Variants in ARHGAP6 observed in about 807,000 individuals in gnomAD.
ARHGAP6 encodes rho GTPase-activating protein 6.
A neutral mutation model predicts 55.7 loss-of-function variants in ARHGAP6; 16 were observed. That is an observed-to-expected ratio of 0.29 (90% CI 0.19 to 0.44). The LOEUF (loss-of-function observed/expected upper bound fraction) is 0.44, where lower values mean the gene tolerates loss of function less well. ARHGAP6 is among the 20% of genes least tolerant of loss of function. The pLI, the probability that ARHGAP6 is intolerant of heterozygous loss-of-function variation, is 1.00. For missense variants in ARHGAP6, 698 were observed against 808.9 expected, an observed-to-expected ratio of 0.86 and a Z score of 1.66; for synonymous variants, 382 against 360.9, an observed-to-expected ratio of 1.06 and a Z score of -0.66.
chrX:11,558,454 T>C (rs1454516204), intron 1 of ARHGAP6, among the ~76,000 whole-genome samples: 1 of 111,797 alleles, frequency 8.9e-6, no homozygotes, highest in Non-Finnish European at 1.9e-5. Flanking sequence ...TCTTCTCTCT[T>C]GGTTTTAACT....
intron 1 of ARHGAP6, among the ~76,000 whole-genome samples, chrX:11,263,629 A>G (rs1314971326): frequency 2.7e-5 from 3 of 111,044 alleles, no homozygotes; most frequent in Non-Finnish European, 5.7e-5. Context: ...TGATTTTTGC[A>G]CCAACCCTTA....
At chrX:11,419,958 A>AT (rs974476168) in intron 1 of ARHGAP6, among the ~76,000 whole-genome samples, 4 of 111,422 alleles carry the variant, frequency 3.6e-5, no homozygotes, top group African/African-American at 9.8e-5. Context: ...TTACTATAAG[A>AT]TTTTTTTTTA....
rs760524101 is a variant in ARHGAP6, at chrX:11,583,253, T to C, written c.588+80988A>G. Among the ~76,000 whole-genome samples the C allele has an allele frequency of 3.6e-5, 4 of 112,330 alleles. No individual in the cohort carries two copies. The East Asian group carries it at 8.3e-4, about 23-fold the overall frequency. On this transcript the variant is annotated intron_variant, in intron 1 of 12. Transcript: ENST00000337414. ...CTAGAAATTACTGGGCAAACATTAATACAGCACATTGAAATCAAGTACATC... is the reference window on the plus strand; with the variant it reads ...CTAGAAATTACTGGGCAAACATTAACACAGCACATTGAAATCAAGTACATC...
At chrX:11,235,781 C>T (rs144976899) in intron 2 of ARHGAP6, among the ~76,000 whole-genome samples, 4 of 111,534 alleles carry the variant, frequency 3.6e-5, no homozygotes, top group African/African-American at 9.8e-5. Flanking sequence ...CAACAAATTC[C>T]TCATCTCCAT....
At chrX:11,553,495 G>A (rs773308145) in intron 1 of ARHGAP6, among the ~76,000 whole-genome samples, 5 of 111,414 alleles carry the variant, frequency 4.5e-5, no homozygotes, top group East Asian at 2.8e-4. Flanking sequence ...TGCCTGCCTC[G>A]GCCTCCCAAA....
chrX:11,320,766 TACACACACACACACACACACACACAC>T (rs56815077), intron 1 of ARHGAP6, among the ~76,000 whole-genome samples: 2 of 85,668 alleles, frequency 2.3e-5, no homozygotes, highest in African/African-American at 8.4e-5. Context: ...AATATCTCTT[TACACACACACACACACACACACACAC>T]ACACACACAC....
intron 1 of ARHGAP6, among the ~76,000 whole-genome samples, chrX:11,519,262 G>T (rs1214712636): frequency 1.9e-5 from 2 of 107,574 alleles, no homozygotes; most frequent in Non-Finnish European, 3.8e-5. Context: ...CAGTGTAAAA[G>T]TGTTCCTATT....
intron 2 of ARHGAP6, among the ~76,000 whole-genome samples, chrX:11,211,769 C>A (rs1053611593): frequency 2.7e-5 from 3 of 110,958 alleles, no homozygotes; most frequent in African/African-American, 9.9e-5. Context: ...ATCTCGAACT[C>A]CTGACCCGTG....
intron 1 of ARHGAP6, among the ~76,000 whole-genome samples, chrX:11,435,313 TC>T (rs1483294442): frequency 8.9e-6 from 1 of 112,632 alleles, no homozygotes; most frequent in Non-Finnish European, 1.9e-5. Context: ...TTTCATTATT[TC>T]AACTTTAGTT....
intron 1 of ARHGAP6, among the ~76,000 whole-genome samples, chrX:11,345,280 C>A (rs2048765660): frequency 9.0e-6 from 1 of 111,729 alleles, no homozygotes; most frequent in African/African-American, 3.3e-5. Context: ...TCTCAATAAC[C>A]AATTTTAATA....
chrX:11,499,401 T>C (rs889550169), intron 1 of ARHGAP6, among the ~76,000 whole-genome samples: 3 of 109,590 alleles, frequency 2.7e-5, no homozygotes, highest in African/African-American at 6.8e-5. Context: ...CAGTTTTTTT[T>C]CCCCTTCTAA....
chrX:11,334,060 A>G (rs1343946071), intron 1 of ARHGAP6, among the ~76,000 whole-genome samples: 1 of 110,081 alleles, frequency 9.1e-6, no homozygotes, highest in Non-Finnish European at 1.9e-5. Context: ...ATGTCGCTAC[A>G]TGTTCTTTTC....
intron 2 of ARHGAP6, among the ~76,000 whole-genome samples, chrX:11,229,631 G>C (rs777859291): frequency 9.0e-6 from 1 of 111,642 alleles, no homozygotes; most frequent in East Asian, 2.8e-4. Context: ...CATACAAAAT[G>C]TTCATTTGGA....
At chrX:11,492,019 G>C (rs1329788993) in intron 1 of ARHGAP6, among the ~76,000 whole-genome samples, 18 of 108,836 alleles carry the variant, frequency 1.7e-4, no homozygotes, top group African/African-American at 6.1e-4. Context: ...CTTCTTTTGA[G>C]AAGTGTCTGT....
Position 11,536,266 on chromosome X carries a change from G to C in ARHGAP6, c.588+127975C>G, listed in dbSNP as rs187648032. 2.2e-3 allele frequency among the ~76,000 whole-genome samples: 251 copies of C among 112,166 alleles called. 2 individuals carry two copies. Among genetic ancestry groups the C allele is most frequent in the African/African-American group, 7.7e-3 (238 of 30,893 alleles). On this transcript the variant is annotated intron_variant, in intron 1 of 12. Coordinates refer to ENST00000337414, the MANE Select transcript of ARHGAP6 (RefSeq NM_013427.3). ...CTCTTGACTAGGGAAAAAAAGGAAA[G>C]CCAGAAGTGCCAGGGACCTAATGCC...
intron 1 of ARHGAP6, among the ~76,000 whole-genome samples, chrX:11,469,689 T>G (rs776153511): frequency 1.8e-5 from 2 of 111,581 alleles, no homozygotes; most frequent in Non-Finnish European, 3.8e-5. Context: ...ATGTAAAGTA[T>G]TAGATTTTCA....
intron 1 of ARHGAP6, among the ~76,000 whole-genome samples, chrX:11,527,939 T>C (rs1200608051): frequency 8.9e-6 from 1 of 112,448 alleles, no homozygotes. Context: ...AAAATATTTG[T>C]TTTTCTGAAA....
chrX:11,260,639 A>G (rs979704835), intron 1 of ARHGAP6, among the ~76,000 whole-genome samples: 2 of 112,667 alleles, frequency 1.8e-5, no homozygotes, highest in African/African-American at 6.4e-5. Context: ...TAGACCCTAC[A>G]TAAACAAATA....
At chrX:11,294,583 C>T (rs538583130) in intron 1 of ARHGAP6, among the ~76,000 whole-genome samples, 2 of 112,224 alleles carry the variant, frequency 1.8e-5, no homozygotes, top group South Asian at 7.5e-4. Context: ...GCATCTTTAT[C>T]ACTACTGTGA....
Sources: gnomAD v4.1 joint callset for allele counts (sites outside exome capture counted in the v4.1 genomes callset) on GRCh38, gnomAD v4.1.1 for gene constraint, MANE v1.5 for transcripts, NCBI Gene and HGNC (gene_info 2026-07-23, HGNC 2026-07-21) for gene names.